Variants in GRIP1 observed in about 807,000 individuals in gnomAD.
GRIP1 encodes glutamate receptor interacting protein 1, also known as glutamate receptor-interacting protein 1.
A neutral mutation model predicts 129.9 loss-of-function variants in GRIP1; 45 were observed. The observed-to-expected ratio is 0.35, with a 90% CI of 0.27 to 0.44. The LOEUF is 0.44. Among genes scored for constraint, GRIP1 ranks in the 20% least tolerant of loss-of-function variants. The pLI, the probability that GRIP1 is intolerant of heterozygous loss-of-function variation, is 1.00. For synonymous variants in GRIP1, 530 were observed against 520.8 expected (o/e 1.02, Z -0.24); for missense variants, 1,196 against 1,396.8 (o/e 0.86, Z 2.29).
At chr12:66,964,535 TC>T (rs2041968767) in intron 1 of GRIP1, among the ~76,000 whole-genome samples, 1 of 152,114 alleles carries the variant, frequency 6.6e-6, no homozygotes. Flanking sequence ...TACATTCTCC[TC>T]CTTCTACTTA....
At chr12:66,745,295 C>T (rs961740753) in intron 1 of GRIP1, among the ~76,000 whole-genome samples, 3 of 152,096 alleles carry the variant, frequency 2.0e-5, no homozygotes. Context: ...GAAAGACTTC[C>T]TATGTTTGCT....
chr12:66,434,142 G>A (rs778936468), intron 13 of GRIP1, among the ~76,000 whole-genome samples: 7 of 152,194 alleles, frequency 4.6e-5, no homozygotes, highest in Non-Finnish European at 8.8e-5. Context: ...TTGCCATACA[G>A]TGTTAAACTG....
chr12:66,850,975 T>C (rs907925254), intron 1 of GRIP1, among the ~76,000 whole-genome samples: 1 of 149,064 alleles, frequency 6.7e-6, no homozygotes, highest in Non-Finnish European at 1.5e-5. Context: ...AGGTATCTAG[T>C]ATGATATCTG....
intron 1 of GRIP1, among the ~76,000 whole-genome samples, chr12:66,639,315 A>T (rs899894109): frequency 2.0e-5 from 3 of 152,148 alleles, no homozygotes; most frequent in Non-Finnish European, 4.4e-5. Flanking sequence ...GAAGAGGCTG[A>T]GCTTGAGTTA....
At chr12:66,360,167 C>T (rs1197374657) in intron 23 of GRIP1, among the ~76,000 whole-genome samples, 2 of 139,194 alleles carry the variant, frequency 1.4e-5, no homozygotes, top group African/African-American at 2.8e-5. Context: ...GTGTTCTTTC[C>T]ACCAAATCAT....
chr12:66,889,996 C>T (rs2040631577), intron 1 of GRIP1, among the ~76,000 whole-genome samples: 1 of 151,750 alleles, frequency 6.6e-6, no homozygotes, highest in South Asian at 2.1e-4. Flanking sequence ...GTGGTGTAAT[C>T]ACGGCTCAAT....
At chr12:66,452,469 T>C (rs2058835014) in intron 11 of GRIP1, among the ~76,000 whole-genome samples, 1 of 152,262 alleles carries the variant, frequency 6.6e-6, no homozygotes, top group Admixed American at 6.5e-5. Context: ...TTGTATTTCC[T>C]CTTTGATCAG....
intron 13 of GRIP1, among the ~76,000 whole-genome samples, chr12:66,438,957 A>G (rs1233630282): frequency 3.3e-5 from 5 of 152,300 alleles, no homozygotes; most frequent in Admixed American, 1.3e-4. Context: ...ATATAAGGTC[A>G]GAGTGTGAGA....
intron 1 of GRIP1, among the ~76,000 whole-genome samples, chr12:66,859,956 C>G (rs1258746920): frequency 6.6e-6 from 1 of 152,046 alleles, no homozygotes; most frequent in African/African-American, 2.4e-5. Context: ...GATGGCAGGG[C>G]TCTGTTTATA....
At chr12:66,953,837 GACAC>G (rs373288682) in intron 1 of GRIP1, among the ~76,000 whole-genome samples, 1 of 151,330 alleles carries the variant, frequency 6.6e-6, no homozygotes, top group Admixed American at 6.6e-5. Flanking sequence ...GTGTGTGTCA[GACAC>G]ACACACACAC....
intron 1 of GRIP1, among the ~76,000 whole-genome samples, chr12:66,987,239 T>C (rs1043184777): frequency 2.0e-5 from 3 of 152,196 alleles, no homozygotes; most frequent in East Asian, 1.9e-4. Context: ...AGGGTTATTG[T>C]TGGTTTGCTC....
rs111927316 is a variant in GRIP1, at chr12:66,379,504, T to TA, written c.2465-69dup. ...TTAATCCATTGAGAAATGACATTGT[T>TA]AACCAGTAGAGGAGTCAAATTATAA... On this transcript the variant is annotated intron_variant, in intron 19 of 24. Coordinates refer to ENST00000359742, the MANE Select transcript of GRIP1 (RefSeq NM_001366722.1). 3.2e-3 allele frequency: 4,828 copies of TA among 1,493,902 alleles called. 116 individuals are homozygous for TA. The African/African-American group carries it at 0.055, about 17-fold the overall frequency. The allele number at this position is 1,493,902 out of a possible 1,614,324, so 92.5% of individuals were successfully genotyped here. A position where few individuals can be genotyped will look rare whatever the true frequency, so the allele number is the denominator to read the frequency against.
intron 1 of GRIP1, among the ~76,000 whole-genome samples, chr12:66,811,458 A>G (rs2039101685): frequency 6.6e-6 from 1 of 152,112 alleles, no homozygotes; most frequent in Non-Finnish European, 1.5e-5. Flanking sequence ...GTGATGAAAA[A>G]TATAGTGCTA....
chr12:67,038,773 G>A (rs2043134578), intron 1 of GRIP1, among the ~76,000 whole-genome samples: 1 of 152,144 alleles, frequency 6.6e-6, no homozygotes, highest in Admixed American at 6.5e-5. Flanking sequence ...CAAATCAAAA[G>A]GGAATTTTTC....
intron 2 of GRIP1, among the ~76,000 whole-genome samples, chr12:66,563,317 T>C (rs1470245556): frequency 1.3e-5 from 2 of 152,112 alleles, no homozygotes; most frequent in Non-Finnish European, 2.9e-5. Context: ...AGTTTGAGGC[T>C]TGGATTTAGA....
At chr12:67,057,452 A>C (rs1413356581) in intron 1 of GRIP1, among the ~76,000 whole-genome samples, 1 of 151,964 alleles carries the variant, frequency 6.6e-6, no homozygotes, top group African/African-American at 2.4e-5. Flanking sequence ...AAAAAAAAAA[A>C]AAACTCCTGT....
intron 7 of GRIP1, among the ~76,000 whole-genome samples, chr12:66,483,332 TA>T (rs1402850060): frequency 2.0e-5 from 3 of 152,228 alleles, no homozygotes; most frequent in Admixed American, 1.3e-4. Flanking sequence ...ATTGCTGATT[TA>T]TTTTTTTTCT....
At chr12:66,710,551 T>G (rs1308689101) in intron 1 of GRIP1, among the ~76,000 whole-genome samples, 1 of 151,996 alleles carries the variant, frequency 6.6e-6, no homozygotes, top group African/African-American at 2.4e-5. Context: ...ATTAACTTTC[T>G]CACATCCATT....
chr12:66,713,626 C>A (rs908265612), intron 1 of GRIP1, among the ~76,000 whole-genome samples: 3 of 152,008 alleles, frequency 2.0e-5, no homozygotes, highest in Non-Finnish European at 4.4e-5. Flanking sequence ...ACCCACCAGA[C>A]GCATCCTTTG....
Sources: allele counts gnomAD v4.1 joint callset (sites outside exome capture counted in the v4.1 genomes callset), GRCh38; gene constraint gnomAD v4.1.1; transcripts MANE v1.5; gene names NCBI Gene and HGNC (gene_info 2026-07-23, HGNC 2026-07-21).